GRM1: variants seen among roughly 807,000 people sequenced by gnomAD.
GRM1 encodes the protein metabotropic glutamate receptor 1.
In GRM1, 33 loss-of-function variants were observed where a neutral mutation model predicts 90.9. The observed-to-expected ratio is 0.36, with a 90% CI of 0.28 to 0.49. The LOEUF is 0.49. Among genes scored for constraint, GRM1 ranks in the 20% least tolerant of loss-of-function variants. The pLI is 0.99. For missense variants in GRM1, 1,190 were observed against 1,534.3 expected, an observed-to-expected ratio of 0.78 and a Z score of 3.75; for synonymous variants, 700 against 613.2, an observed-to-expected ratio of 1.14 and a Z score of -2.09.
At chr6:146,414,798 A>T (rs987520359) in intron 7 of GRM1, among the ~76,000 whole-genome samples, 2 of 152,014 alleles carry the variant, frequency 1.3e-5, no homozygotes, top group Admixed American at 1.3e-4. Context: ...TTCATTTCTT[A>T]TTGGTATTTT....
intron 3 of GRM1, among the ~76,000 whole-genome samples, chr6:146,315,274 C>A (rs1288458014): frequency 6.6e-6 from 1 of 152,062 alleles, no homozygotes; most frequent in Non-Finnish European, 1.5e-5. Flanking sequence ...GTAGTCCTAG[C>A]TGCTTGGGAG....
At chr6:146,045,807 C>A (rs995185255) in intron 1 of GRM1, among the ~76,000 whole-genome samples, 1 of 145,428 alleles carries the variant, frequency 6.9e-6, no homozygotes, top group African/African-American at 2.5e-5. Context: ...TGTGGGTAGA[C>A]TCTACTTATT....
At chr6:146,342,094 A>T (rs1191015174) in intron 3 of GRM1, among the ~76,000 whole-genome samples, 3 of 152,198 alleles carry the variant, frequency 2.0e-5, no homozygotes, top group Non-Finnish European at 4.4e-5. Context: ...AACCTTAGGG[A>T]ATCAGTTAAT....
At chr6:146,058,161 T>C (rs1376807430) in intron 1 of GRM1, among the ~76,000 whole-genome samples, 1 of 152,126 alleles carries the variant, frequency 6.6e-6, no homozygotes, top group African/African-American at 2.4e-5. Flanking sequence ...TGTCATCTTC[T>C]TTTTGCGTAT....
chr6:146,225,447 T>C (rs1780206217), intron 2 of GRM1, among the ~76,000 whole-genome samples: 1 of 152,108 alleles, frequency 6.6e-6, no homozygotes, highest in Non-Finnish European at 1.5e-5. Context: ...AAACTCCTGA[T>C]ATGAAGGAAA....
At chr6:146,038,991 C>G (rs917012150) in intron 1 of GRM1, among the ~76,000 whole-genome samples, 51 of 151,824 alleles carry the variant, frequency 3.4e-4, no homozygotes, top group Non-Finnish European at 8.8e-5. Flanking sequence ...TTTTGGTTAA[C>G]AGGTACTACT....
At chr6:146,123,801 G>T (rs1382948543) in intron 1 of GRM1, among the ~76,000 whole-genome samples, 1 of 152,120 alleles carries the variant, frequency 6.6e-6, no homozygotes, top group South Asian at 2.1e-4. Flanking sequence ...TTCTCCCACT[G>T]TTCTGGTCTC....
At chr6:146,360,628 G>A (rs1449373369) in intron 5 of GRM1, among the ~76,000 whole-genome samples, 1 of 152,180 alleles carries the variant, frequency 6.6e-6, no homozygotes, top group Non-Finnish European at 1.5e-5. Flanking sequence ...AAGTGGGAGA[G>A]TGAGGGCACC....
rs569748251 is a variant in GRM1, at chr6:146,267,739, T to C, written c.951-36872T>C. ...TCGTCTCGTCTCGTCTCGTCTCGTC[T>C]CGTCTCGTCTCGTCTCGTCTCTTCA... is the stretch of plus-strand genomic sequence containing the variant. On this transcript the variant is annotated intron_variant, in intron 2 of 7. Coordinates refer to ENST00000282753, the MANE Select transcript of GRM1 (RefSeq NM_001278064.2). 4.0e-3 allele frequency among the ~76,000 whole-genome samples: 605 copies of C among 149,900 alleles called. 5 individuals are homozygous for C. The highest frequency in any genetic ancestry group is 0.014 in the African/African-American group (582 of 40,664).
chr6:146,387,817 A>G (rs2114532952), intron 6 of GRM1, among the ~76,000 whole-genome samples: 1 of 152,210 alleles, frequency 6.6e-6, no homozygotes, highest in South Asian at 2.1e-4. Context: ...GGCTTTGAGC[A>G]CAGGAGAACC....
chr6:146,139,357 T>C (rs1423897450), intron 1 of GRM1, among the ~76,000 whole-genome samples: 2 of 152,310 alleles, frequency 1.3e-5, no homozygotes, highest in Non-Finnish European at 2.9e-5. Context: ...TTAAGTTTGA[T>C]GTTTCTGTGT....
At chr6:146,081,908 G>A (rs1776375911) in intron 1 of GRM1, among the ~76,000 whole-genome samples, 1 of 152,112 alleles carries the variant, frequency 6.6e-6, no homozygotes, top group Admixed American at 6.5e-5. Flanking sequence ...TTATTGGAGG[G>A]ACAAGAAAGG....
At chr6:146,172,124 C>T (rs1778150806) in intron 2 of GRM1, among the ~76,000 whole-genome samples, 1 of 152,014 alleles carries the variant, frequency 6.6e-6, no homozygotes, top group African/African-American at 2.4e-5. Flanking sequence ...GCTCTGGATG[C>T]CAAAAGTTTG....
chr6:146,413,824 A>G (rs1222939647), intron 7 of GRM1, among the ~76,000 whole-genome samples: 1 of 152,214 alleles, frequency 6.6e-6, no homozygotes, highest in Admixed American at 6.5e-5. Context: ...ATCATAAGGT[A>G]GATATTATTA....
intron 3 of GRM1, among the ~76,000 whole-genome samples, chr6:146,349,212 G>T (rs1246307870): frequency 6.7e-6 from 1 of 149,682 alleles, no homozygotes; most frequent in Admixed American, 6.6e-5. Context: ...GACTACAGGC[G>T]CCTGCCACCA....
Position 146,159,614 on chromosome 6 carries a change from CT to C in GRM1, c.950+18del. On this transcript the variant is annotated intron_variant, in intron 2 of 7. Coordinates refer to ENST00000282753, the MANE Select transcript of GRM1 (RefSeq NM_001278064.2). ...CATTGGAAGGTAAGTTTCTCTCTCT[CT>C]CTCTCTCTCTCTCTCTCTCTCTCTC... is the stretch of plus-strand genomic sequence containing the variant. The C allele has an allele frequency of 8.1e-6, 8 of 986,472 alleles. No homozygotes were observed. The highest frequency in any genetic ancestry group is 1.1e-5 in the Non-Finnish European group (8 of 706,042). The allele number at this position is 986,472 out of a possible 1,614,324, so 61.1% of individuals were successfully genotyped here.
chr6:146,124,263 T>C (rs976269740), intron 1 of GRM1, among the ~76,000 whole-genome samples: 1 of 152,206 alleles, frequency 6.6e-6, no homozygotes. Context: ...CACTGAAGAC[T>C]TCATAGCATA....
Position 146,149,216 on chromosome 6 carries a change from T to A in GRM1, c.701-10132T>A, listed in dbSNP as rs576993872. Among the ~76,000 whole-genome samples the A allele has an allele frequency of 1.5e-4, 23 of 152,288 alleles. 1 individual carries two copies. In the South Asian group the frequency reaches 4.6e-3, roughly 30 times the overall value. On this transcript the variant is annotated intron_variant, in intron 1 of 7. Coordinates refer to ENST00000282753, the MANE Select transcript of GRM1 (RefSeq NM_001278064.2). ...TAGATAAATGTAGACTTTCAATACA[T>A]CTTTAAACCTAAACACTAAAAGCCC...
intron 1 of GRM1, among the ~76,000 whole-genome samples, chr6:146,038,048 G>C (rs1790955660): frequency 6.6e-6 from 1 of 151,956 alleles, no homozygotes; most frequent in Non-Finnish European, 1.5e-5. Context: ...AATGTAGAGT[G>C]ACTGCTCCAC....
Sources: gnomAD v4.1 joint callset for allele counts (sites outside exome capture counted in the v4.1 genomes callset) on GRCh38, gnomAD v4.1.1 for gene constraint, MANE v1.5 for transcripts, NCBI Gene and HGNC (gene_info 2026-07-23, HGNC 2026-07-21) for gene names.